Variants in SPIRE2 observed in about 807,000 individuals in gnomAD.
SPIRE2 encodes spire type actin nucleation factor 2.
In SPIRE2, 76 loss-of-function variants were observed where a neutral mutation model predicts 80.7. The observed-to-expected ratio is 0.94, with a 90% CI of 0.78 to 1.14. The LOEUF is 1.14. SPIRE2 is among the 50% of genes most tolerant of loss of function. The pLI, the probability that SPIRE2 is intolerant of heterozygous loss-of-function variation, is 0.00. For synonymous variants in SPIRE2, 535 were observed against 432.6 expected, an observed-to-expected ratio of 1.24 and a Z score of -2.94; for missense variants, 1,196 against 1,015.3, an observed-to-expected ratio of 1.18 and a Z score of -2.42.
In SPIRE2 at chr16:89,850,471, C is replaced by CGAGGAG. The variant is rs146569219; in HGVS notation, c.467_472dup (p.Glu156_Glu157dup). 6.5e-7 allele frequency: 1 copy of CGAGGAG among 1,544,858 alleles called. No individual in the cohort carries two copies. The highest frequency in any genetic ancestry group is 8.7e-7 in the Non-Finnish European group (1 of 1,146,232). ...CCGCCGATGAGGGCTACGGGGGTCC[C>CGAGGAG]GAGGAGGAGGAGGAGGCCGAGGGCG... On this transcript the variant is annotated inframe_insertion, in exon 3 of 15. Coordinates refer to ENST00000378247, the MANE Select transcript of SPIRE2 (RefSeq NM_032451.2).
intron 3 of SPIRE2, among the ~76,000 whole-genome samples, chr16:89,853,691 G>A (rs1301731458): frequency 6.7e-6 from 1 of 148,956 alleles, no homozygotes; most frequent in Admixed American, 6.7e-5. Flanking sequence ...TGACAGCAGA[G>A]GCTGCGTGCC....
chr16:89,863,769 G>A lies in SPIRE2; in HGVS notation c.1711-25G>A, dbSNP rs377146694. 1 of 1,613,580 alleles carries A rather than the reference G, an allele frequency of 6.2e-7. No homozygotes were observed. The highest frequency in any genetic ancestry group is 1.3e-5 in the African/African-American group (1 of 75,038). Reference sequence around the variant, plus strand: ...CCCCAGGGAGCTTTGGACAAAGCGGGGCTCTAACCAGTCTCTCCTGACAGA... The same window carrying A: ...CCCCAGGGAGCTTTGGACAAAGCGGAGCTCTAACCAGTCTCTCCTGACAGA... On this transcript the variant is annotated intron_variant, in intron 11 of 14. Coordinates refer to ENST00000378247, the MANE Select transcript of SPIRE2 (RefSeq NM_032451.2). The surrounding 1 kb of genome is among the most constrained non-coding windows in gnomAD (Gnocchi z 4.3).
At chr16:89,845,829 C>T (rs879392822) in intron 2 of SPIRE2, 17 of 543,672 alleles carry the variant, frequency 3.1e-5, no homozygotes, top group South Asian at 2.3e-4. Context: ...ATGTCTGGAA[C>T]GTCATGTTTC....
At chr16:89,862,980 A>G in intron 10 of SPIRE2, 1 of 165,540 alleles carries the variant, frequency 6.0e-6, no homozygotes, top group Non-Finnish European at 1.3e-5. Context: ...GGAAGCAAAA[A>G]CAGGACACAC....
chr16:89,832,456 G>C (rs1555587856), intron 1 of SPIRE2, among the ~76,000 whole-genome samples: 1 of 152,188 alleles, frequency 6.6e-6, no homozygotes, highest in Non-Finnish European at 1.5e-5. Context: ...ATGAAATTCT[G>C]CTCCCAGAGG....
intron 2 of SPIRE2, among the ~76,000 whole-genome samples, chr16:89,848,678 T>G (rs374330179): frequency 1.8e-5 from 2 of 111,688 alleles, no homozygotes; most frequent in Non-Finnish European, 1.8e-5. Flanking sequence ...GCAGGACAGA[T>G]GAGGCAGGTT....
chr16:89,829,612 G>A (rs1210122183), intron 1 of SPIRE2, among the ~76,000 whole-genome samples: 1 of 152,180 alleles, frequency 6.6e-6, no homozygotes, highest in African/African-American at 2.4e-5. Flanking sequence ...AAGGGCCAGG[G>A]CAAGGCCAGA....
chr16:89,854,569 T>G lies in SPIRE2; in HGVS notation c.809T>G (p.Leu270Arg). Reference sequence around the variant, plus strand: ...GTGCAAGAGCAGGAGTTCAACCCCCTCCCCACCGAGTTCCAGCTCACGCCC... The same window carrying G: ...GTGCAAGAGCAGGAGTTCAACCCCCGCCCCACCGAGTTCCAGCTCACGCCC... ...KKVQEQEFNPLPTEFQLTPFE... is the reference protein window; with the variant it reads ...KKVQEQEFNPRPTEFQLTPFE... The change falls in exon 5 of 15, where the codon CTC becomes CGC. Residue 270 changes from leucine (L) to arginine (R), a missense_variant. Transcript: ENST00000378247. The G allele has an allele frequency of 6.2e-7, 1 of 1,612,202 alleles. No homozygotes were observed. Among genetic ancestry groups the G allele is most frequent in the Non-Finnish European group, 8.5e-7 (1 of 1,179,764 alleles).
Position 89,870,136 on chromosome 16 carries a change from G to A in SPIRE2, c.2009G>A (p.Ser670Asn), listed in dbSNP as rs776718250. ...GGCTGTGTCCTGAAGGATGTCTGCA[G>A]TGAGTGCACCAGCTTTGTGGCAGAC... ...SHGCVLKDVC[S>N]ECTSFVADVV... Residue 670 changes from serine (S) to asparagine (N), a missense_variant, in exon 15 of 15, where the codon AGT becomes AAT. Physicochemically the swap from Ser to Asn is conservative, Grantham distance 46. Coordinates refer to ENST00000378247, the MANE Select transcript of SPIRE2 (RefSeq NM_032451.2). 1.9e-6 allele frequency: 3 copies of A among 1,613,214 alleles called. No individual in the cohort carries two copies. Among genetic ancestry groups the A allele is most frequent in the South Asian group, 2.2e-5 (2 of 90,840 alleles).
chr16:89,868,086 G>T, intron 12 of SPIRE2, 103 bp from the exon 13 acceptor site: 2 of 1,266,730 alleles, frequency 1.6e-6, no homozygotes, highest in East Asian at 4.6e-5. Flanking sequence ...CAGAAGGCAA[G>T]GATGGTTTGA....
chr16:89,853,524 T>C (rs1207057020), intron 3 of SPIRE2, among the ~76,000 whole-genome samples: 1 of 152,094 alleles, frequency 6.6e-6, no homozygotes. Context: ...TGGGCTGGCA[T>C]ACATGAGGCC....
chr16:89,833,512 C>T (rs1013873787), intron 1 of SPIRE2, among the ~76,000 whole-genome samples: 1 of 152,250 alleles, frequency 6.6e-6, no homozygotes, highest in African/African-American at 2.4e-5. Flanking sequence ...GTATCAGGGG[C>T]AGGTTCAGCT....
At chr16:89,848,986 C>T (rs1319676044) in intron 2 of SPIRE2, among the ~76,000 whole-genome samples, 1 of 141,058 alleles carries the variant, frequency 7.1e-6, no homozygotes, top group African/African-American at 2.5e-5. Context: ...GCAGGACAGA[C>T]GAGGCAGGTT....
intron 2 of SPIRE2, among the ~76,000 whole-genome samples, chr16:89,848,275 T>C (rs898419107): frequency 6.6e-6 from 1 of 152,240 alleles, no homozygotes; most frequent in Non-Finnish European, 1.5e-5. Flanking sequence ...CGGGTGTGGC[T>C]GTTAGGCCTT....
intron 1 of SPIRE2, among the ~76,000 whole-genome samples, chr16:89,837,560 C>A (rs2041462024): frequency 6.6e-6 from 1 of 152,212 alleles, no homozygotes; most frequent in Non-Finnish European, 1.5e-5. Context: ...CCCCTTAGGG[C>A]TCACCTCAAG....
At chr16:89,838,408 C>T (rs1292024521) in intron 1 of SPIRE2, among the ~76,000 whole-genome samples, 3 of 151,932 alleles carry the variant, frequency 2.0e-5, no homozygotes, top group East Asian at 1.9e-4. Flanking sequence ...GGTCTTGAAC[C>T]CCTTACCTCA....
In SPIRE2 at chr16:89,870,580, T is replaced by A; in HGVS notation, c.*308T>A. On this transcript the variant is annotated 3_prime_UTR_variant, in exon 15 of 15. Transcript: ENST00000378247. Reference sequence around the variant, plus strand: ...GTTCTAGATCCTGGCACAGACTGCATCCCATGTTCCCATGCTCTTCTCCGT... The same window carrying A: ...GTTCTAGATCCTGGCACAGACTGCAACCCATGTTCCCATGCTCTTCTCCGT... 3.8e-6 allele frequency: 1 copy of A among 265,028 alleles called. No individual in the cohort carries two copies. Among genetic ancestry groups the A allele is most frequent in the Middle Eastern group, 1.4e-3 (1 of 708 alleles). 16.4% of individuals were successfully genotyped at this position (265,028 alleles called of 1,614,324 possible). A position where few individuals can be genotyped will look rare whatever the true frequency, so the allele number is the denominator to read the frequency against.
rs2041828251 is a variant in SPIRE2 at position 89,870,222 on chromosome 16, C to G, written c.2095C>G (p.Gln699Glu). The G allele has an allele frequency of 1.2e-6, 2 of 1,607,004 alleles. No individual in the cohort carries two copies. Among genetic ancestry groups the G allele is most frequent in the Non-Finnish European group, 8.5e-7 (1 of 1,176,996 alleles). ...CAACACTACGCCACGACGCAGTCGC[C>G]AGACCCAATCCCTCTACATCCCTAA... is the stretch of plus-strand genomic sequence containing the variant. ...VLNTTPRRSR[Q>E]TQSLYIPNTR... The change falls in exon 15 of 15, where the codon CAG (glutamine) becomes GAG (glutamate). Residue 699 changes from glutamine to glutamate, a missense_variant. Coordinates refer to ENST00000378247, the MANE Select transcript of SPIRE2 (RefSeq NM_032451.2).
intron 1 of SPIRE2, among the ~76,000 whole-genome samples, chr16:89,838,131 C>A (rs2041468375): frequency 6.7e-6 from 1 of 148,934 alleles, no homozygotes; most frequent in Non-Finnish European, 1.5e-5. Context: ...TCCAGAGTAA[C>A]TGGGACCACA....
Sources: allele counts gnomAD v4.1 joint callset (sites outside exome capture counted in the v4.1 genomes callset), GRCh38; gene constraint gnomAD v4.1.1; non-coding constraint Gnocchi (gnomAD v3.1); transcripts MANE v1.5; gene names NCBI Gene and HGNC (gene_info 2026-07-23, HGNC 2026-07-21).